Variants in DST observed in about 807,000 individuals in gnomAD.
DST encodes the protein dystonin.
In DST, 253 loss-of-function variants were observed where a neutral mutation model predicts 875.2. The ratio of observed to expected loss-of-function variants is 0.29; its 90% CI spans 0.26 to 0.32. The LOEUF is 0.32. Ranked by LOEUF, DST falls within the 10% of genes least tolerant of loss-of-function variation. The pLI is 1.00. For synonymous variants in DST, 3,124 were observed against 3,197.1 expected (o/e 0.98, Z 0.77); for missense variants, 8,287 against 9,111.6 (o/e 0.91, Z 3.68).
rs778194334 is a variant in DST, at chr6:56,631,935, G to A, written c.3911C>T (p.Pro1304Leu). Residue 1304 changes from proline (P) to leucine (L), a missense_variant, in exon 29 of 104, where the codon CCC (proline) becomes CTC (leucine). Pro to Leu is a moderately conservative substitution (Grantham distance 98). Coordinates refer to ENST00000680361, the MANE Select transcript of DST (RefSeq NM_001374736.1). ...EDRLIRQIRT[P>L]LERDDLHESV... is the part of the protein sequence containing the mutation. ...TTCATGCAAATCATCTCTTTCCAGG[G>A]GAGTTCGAATCTGTCTAATCAGCCG... is the stretch of plus-strand genomic sequence containing the variant. The A allele has an allele frequency of 4.3e-6, 7 of 1,613,864 alleles. No homozygotes were observed. Among genetic ancestry groups the A allele is most frequent in the South Asian group, 1.1e-5 (1 of 91,074 alleles).
chr6:56,798,746 G>A (rs2099743345), intron 4 of DST, among the ~76,000 whole-genome samples: 1 of 152,088 alleles, frequency 6.6e-6, no homozygotes, highest in Admixed American at 6.5e-5. Context: ...AAATATTCTG[G>A]AAAAAATTCA....
intron 7 of DST, among the ~76,000 whole-genome samples, chr6:56,702,815 A>G (rs1362300045): frequency 6.6e-6 from 1 of 152,228 alleles, no homozygotes. Flanking sequence ...CAAAGGTAAA[A>G]AAGAAAAAAG....
intron 4 of DST, among the ~76,000 whole-genome samples, chr6:56,804,044 G>A (rs183809920): frequency 6.6e-6 from 1 of 152,202 alleles, no homozygotes; most frequent in African/African-American, 2.4e-5. Context: ...AATTTAGCTG[G>A]CTATCTTTAC....
intron 30 of DST, among the ~76,000 whole-genome samples, chr6:56,630,931 T>TAC (rs1190068062): frequency 6.6e-6 from 1 of 151,878 alleles, no homozygotes; most frequent in Non-Finnish European, 1.5e-5. Context: ...TACAGACGCT[T>TAC]ACCACCATGC....
intron 4 of DST, among the ~76,000 whole-genome samples, chr6:56,815,816 T>C (rs2099765813): frequency 1.0e-3 from 1 of 964 alleles, no homozygotes; most frequent in South Asian, 0.05. Context: ...TTATATTAAA[T>C]GAAAAAAAAC....
At chr6:56,503,969 T>G in intron 78 of DST, 28 bp downstream of exon 78, 1 of 1,507,032 alleles carries the variant, frequency 6.6e-7, no homozygotes, top group Non-Finnish European at 9.1e-7. Context: ...TGCAAGGGAG[T>G]CTTCGATAAA....
At chr6:56,691,375 A>T (rs1273997190) in intron 9 of DST, among the ~76,000 whole-genome samples, 2 of 152,168 alleles carry the variant, frequency 1.3e-5, no homozygotes, top group East Asian at 3.8e-4. Context: ...GTGTATATAA[A>T]CAGGACACCT....
In DST at chr6:56,527,751, A is replaced by G; in HGVS notation, c.17681-17T>C. The G allele has an allele frequency of 6.3e-7, 1 of 1,579,774 alleles. No homozygotes were observed. The highest frequency in any genetic ancestry group is 1.4e-5 in the African/African-American group (1 of 73,488). On this transcript the variant is annotated splice_polypyrimidine_tract_variant and intron_variant, in intron 67 of 103. Transcript: ENST00000680361. ...CTTCATCACCTAAAATTTCAAAGTC[A>G]CGTTATTTCTTATGAAGGAAAAAAA... is the stretch of plus-strand genomic sequence containing the variant.
At chr6:56,767,159 C>T (rs2099635507) in intron 4 of DST, among the ~76,000 whole-genome samples, 1 of 152,186 alleles carries the variant, frequency 6.6e-6, no homozygotes, top group Admixed American at 6.5e-5. Context: ...ACAGCTAATG[C>T]TCTATCAGTC....
intron 50 of DST, among the ~76,000 whole-genome samples, chr6:56,576,167 T>G (rs1410863242): frequency 6.6e-6 from 1 of 152,064 alleles, no homozygotes; most frequent in Non-Finnish European, 1.5e-5. Context: ...ACACATGGAG[T>G]CCTGAGCATG....
chr6:56,634,744 T>C, intron 25 of DST, 57 bp downstream of exon 25: 2 of 1,606,050 alleles, frequency 1.2e-6, no homozygotes, highest in East Asian at 2.2e-5. Flanking sequence ...TATGATCTCA[T>C]TTACAAAATA....
At chr6:56,810,147 C>A (rs2099758170) in intron 4 of DST, among the ~76,000 whole-genome samples, 1 of 152,030 alleles carries the variant, frequency 6.6e-6, no homozygotes, top group Non-Finnish European at 1.5e-5. Context: ...GACAACATAG[C>A]AAGACCCCAC....
intron 61 of DST, among the ~76,000 whole-genome samples, chr6:56,551,953 A>G (rs940522490): frequency 6.6e-6 from 1 of 151,998 alleles, no homozygotes; most frequent in Non-Finnish European, 1.5e-5. Context: ...TTTGCCAAGC[A>G]CCCTTTGGTC....
intron 4 of DST, among the ~76,000 whole-genome samples, chr6:56,747,449 T>C (rs935944307): frequency 3.3e-5 from 5 of 152,182 alleles, no homozygotes; most frequent in East Asian, 3.8e-4. Context: ...GTTCTCACAA[T>C]TGGCTAAGAA....
rs1369192665 is a variant in DST, at chr6:56,641,958, T to C, written c.2016A>G (p.Gln672=). The C allele has an allele frequency of 3.7e-6, 6 of 1,612,666 alleles. No individual in the cohort carries two copies. The highest frequency in any genetic ancestry group is 1.1e-5 in the South Asian group (1 of 90,770). ...LIDGKYYQAD[Q]LVQRVAKLRD... ...AGTAGCACTCTTACCTCTGTACCAA[T>C]TGATCTGCCTGGTAGTATTTTCCAT... Residue 672 remains glutamine, a synonymous_variant, in exon 17 of 104, where the codon CAA becomes CAG. Transcript: ENST00000680361.
At chr6:56,501,342 A>G (rs906845908) in intron 79 of DST, 107 bp from the exon 80 acceptor site, 3 of 1,285,488 alleles carry the variant, frequency 2.3e-6, no homozygotes, top group South Asian at 1.7e-5. Flanking sequence ...AAGTCCATAA[A>G]CGTATCCAGT....
chr6:56,644,574 A>G (rs986873705), intron 15 of DST, among the ~76,000 whole-genome samples: 16 of 152,248 alleles, frequency 1.1e-4, no homozygotes, highest in African/African-American at 3.9e-4. Flanking sequence ...GCAAGACTTA[A>G]GCAATCACCG....
At chr6:56,558,091 C>G (rs1228195781) in intron 58 of DST, among the ~76,000 whole-genome samples, 1 of 152,100 alleles carries the variant, frequency 6.6e-6, no homozygotes, top group Admixed American at 6.6e-5. Context: ...CAAAGGTTAT[C>G]TTTTCTCCCA....
In DST at chr6:56,748,607, C is replaced by T. The variant is rs557176175; in HGVS notation, c.626-13318G>A. ...ATTCTTATCCAGAACATGCAATAAA[C>T]GTCAAAATCACAACACTATACACTA... is the stretch of plus-strand genomic sequence containing the variant. On this transcript the variant is annotated intron_variant, in intron 4 of 103. Transcript: ENST00000680361. 3.9e-5 allele frequency among the ~76,000 whole-genome samples: 6 copies of T among 152,276 alleles called. No homozygotes were observed. The East Asian group carries it at 5.8e-4, about 15-fold the overall frequency.
Sources: gnomAD v4.1 joint callset for allele counts (sites outside exome capture counted in the v4.1 genomes callset) on GRCh38, gnomAD v4.1.1 for gene constraint, MANE v1.5 for transcripts, NCBI Gene and HGNC (gene_info 2026-07-23, HGNC 2026-07-21) for gene names.